The following DOCK10 variants were observed in gnomAD, a reference collection of about 807,000 sequenced individuals.
DOCK10 encodes the protein dedicator of cytokinesis protein 10.
A neutral mutation model predicts 280.1 loss-of-function variants in DOCK10; 145 were observed. That is an observed-to-expected ratio of 0.52 (90% CI 0.45 to 0.59). The LOEUF (loss-of-function observed/expected upper bound fraction) is 0.59, where lower values mean the gene tolerates loss of function less well. DOCK10 is among the 20% of genes least tolerant of loss of function. The probability of loss-of-function intolerance (pLI) is 0.00; values close to 1 mark genes in which losing one functional copy is unlikely to be tolerated. For missense variants in DOCK10, 2,368 were observed against 2,651.7 expected (o/e 0.89, Z 2.35); for synonymous variants, 915 against 942.2 (o/e 0.97, Z 0.53).
intron 1 of DOCK10, among the ~76,000 whole-genome samples, chr2:224,995,816 T>C (rs1298693404): frequency 6.6e-6 from 1 of 152,214 alleles, no homozygotes; most frequent in Admixed American, 6.5e-5. Context: ...GCTTGAAGAA[T>C]TTTTAATGTG....
At chr2:224,986,965 C>A (rs1176108177) in intron 1 of DOCK10, among the ~76,000 whole-genome samples, 4 of 152,208 alleles carry the variant, frequency 2.6e-5, no homozygotes, top group Admixed American at 2.6e-4. Flanking sequence ...TTCCTCCCTG[C>A]TTCCAAAACA....
intron 27 of DOCK10, among the ~76,000 whole-genome samples, chr2:224,824,914 G>A (rs1225694444): frequency 6.6e-6 from 1 of 151,764 alleles, no homozygotes; most frequent in Non-Finnish European, 1.5e-5. Context: ...AGTTACAGGA[G>A]TTGTATGAAA....
chr2:224,855,044 T>C lies in DOCK10; in HGVS notation c.1809-2A>G, dbSNP rs1281817266. The C allele has an allele frequency of 2.5e-6, 4 of 1,580,844 alleles. No individual in the cohort carries two copies. Among genetic ancestry groups the C allele is most frequent in the South Asian group, 2.3e-5 (2 of 88,226 alleles). Reference sequence around the variant, plus strand: ...TGCATTTTGCTTATTCTGTCGGCCCTGTAAGAGTGCATGAGCAAGGACACA... The same window carrying C: ...TGCATTTTGCTTATTCTGTCGGCCCCGTAAGAGTGCATGAGCAAGGACACA... On this transcript the variant is annotated splice_acceptor_variant, in intron 15 of 55. Transcript: ENST00000258390. LOFTEE classifies it high-confidence loss of function.
chr2:224,827,437 GAC>G (rs1465226930), intron 27 of DOCK10, among the ~76,000 whole-genome samples: 1 of 152,016 alleles, frequency 6.6e-6, no homozygotes, highest in Non-Finnish European at 1.5e-5. Context: ...TAAACTGCTG[GAC>G]ACAATCATGC....
At chr2:224,843,421 A>G (rs899586461) in intron 22 of DOCK10, among the ~76,000 whole-genome samples, 14 of 152,346 alleles carry the variant, frequency 9.2e-5, no homozygotes, top group African/African-American at 3.1e-4. Context: ...ATATACAAAA[A>G]TATAGGGTTT....
intron 2 of DOCK10, among the ~76,000 whole-genome samples, chr2:224,928,923 T>C (rs557346312): frequency 1.3e-5 from 2 of 152,342 alleles, no homozygotes; most frequent in East Asian, 1.9e-4. Flanking sequence ...TAGAATAAGA[T>C]GCAAACGCCT....
chr2:224,811,661 T>C (rs1693786906), intron 31 of DOCK10, among the ~76,000 whole-genome samples: 1 of 152,236 alleles, frequency 6.6e-6, no homozygotes, highest in Non-Finnish European at 1.5e-5. Context: ...TTGATTTTTG[T>C]ATAAGGTGTA....
intron 47 of DOCK10, 62 bp downstream of exon 47, chr2:224,792,912 A>G: frequency 1.6e-6 from 2 of 1,237,152 alleles, no homozygotes; most frequent in Non-Finnish European, 2.3e-6. Context: ...TCACTGAAGT[A>G]GAATTTGAGC....
At chr2:224,985,063 C>G (rs1290166991) in intron 1 of DOCK10, among the ~76,000 whole-genome samples, 1 of 151,054 alleles carries the variant, frequency 6.6e-6, no homozygotes, top group Non-Finnish European at 1.5e-5. Context: ...CAGCAGGTGT[C>G]TGCTATTTTT....
At position 224,775,171 on chromosome 2, in the gene DOCK10, C is replaced by A. The variant is rs551976417; in HGVS notation, c.5803-56G>T. On this transcript the variant is annotated intron_variant, in intron 51 of 55. Transcript: ENST00000258390. The stretch of plus-strand genomic sequence containing the variant: ...GGTGTGCCCTGGAGCGCTCTGAAAG[C>A]GGGAAGCTCCCATTCCCTCAGCTTG... 17 of 1,524,544 alleles carry A rather than the reference C, an allele frequency of 1.1e-5. No individual in the cohort carries two copies. In the East Asian group the frequency reaches 1.1e-4, roughly 10 times the overall value. The allele number at this position is 1,524,544 out of a possible 1,614,324, so 94.4% of individuals were successfully genotyped here.
At chr2:224,933,233 T>C (rs565272067) in intron 1 of DOCK10, among the ~76,000 whole-genome samples, 5 of 152,332 alleles carry the variant, frequency 3.3e-5, no homozygotes, top group Admixed American at 6.5e-5. Context: ...TCTGGAATCA[T>C]TGCCTTTTGA....
intron 55 of DOCK10, among the ~76,000 whole-genome samples, chr2:224,768,573 T>C (rs1690210668): frequency 1.3e-5 from 2 of 152,218 alleles, no homozygotes; most frequent in Admixed American, 1.3e-4. Context: ...TATATTTTTG[T>C]TTTAGCAGTT....
In DOCK10 at chr2:224,916,729, G is replaced by C. The variant is rs1369471643; in HGVS notation, c.299C>G (p.Ala100Gly). ...RTLYSTVPED[A>G]EHKAENLLVK... ...CAGTAAATTTTCTGCCTTGTGCTCT[G>C]CATCTTCAGGTACTGTTGAGTACAA... The change falls in exon 3 of 56, where the codon GCA becomes GGA. Residue 100 changes from alanine to glycine, a missense_variant. By Grantham distance (60) the Ala-to-Gly change is moderately conservative. Coordinates refer to ENST00000258390, the MANE Select transcript of DOCK10 (RefSeq NM_014689.3). The C allele has an allele frequency of 3.1e-6, 5 of 1,611,118 alleles. No individual in the cohort carries two copies. The highest frequency in any genetic ancestry group is 1.3e-5 in the African/African-American group (1 of 74,864).
At chr2:224,843,989 A>G (rs1050771368) in intron 22 of DOCK10, among the ~76,000 whole-genome samples, 1 of 152,198 alleles carries the variant, frequency 6.6e-6, no homozygotes, top group Non-Finnish European at 1.5e-5. Flanking sequence ...TGACTTGCCC[A>G]GGGTAATGGA....
rs1291155859 is a variant in DOCK10 at position 225,042,202 on chromosome 2, C to G, written c.123+50G>C. 2 of 1,230,596 alleles carry G rather than the reference C, an allele frequency of 1.6e-6. No homozygotes were observed. Among genetic ancestry groups the G allele is most frequent in the Non-Finnish European group, 2.0e-6 (2 of 987,086 alleles). 76.2% of individuals were successfully genotyped at this position (1,230,596 alleles called of 1,614,324 possible). A position where few individuals can be genotyped will look rare whatever the true frequency, so the allele number is the denominator to read the frequency against. Reference sequence around the variant, plus strand: ...TTTGGGGAAGCTGGGCTCCGTTCCCCCCGGGCGCCTGGGGCGCGCGGGAAG... The same window carrying G: ...TTTGGGGAAGCTGGGCTCCGTTCCCGCCGGGCGCCTGGGGCGCGCGGGAAG... On this transcript the variant is annotated intron_variant, in intron 1 of 55. Transcript: ENST00000258390. This position sits in a 1 kb window ranked among gnomAD's most constrained non-coding sequence, Gnocchi z 5.1.
At chr2:224,885,253 G>T (rs1004263372) in intron 7 of DOCK10, among the ~76,000 whole-genome samples, 14 of 152,172 alleles carry the variant, frequency 9.2e-5, no homozygotes, top group Non-Finnish European at 1.6e-4. Flanking sequence ...ACCCGCCTTG[G>T]CCTCCCAAAG....
At chr2:224,993,776 T>C (rs1003834390) in intron 1 of DOCK10, among the ~76,000 whole-genome samples, 1 of 152,180 alleles carries the variant, frequency 6.6e-6, no homozygotes, top group African/African-American at 2.4e-5. Context: ...GCAGTTCAAA[T>C]GGAGATTGGC....
chr2:224,898,081 C>A (rs1484416697), intron 3 of DOCK10, among the ~76,000 whole-genome samples: 1 of 152,198 alleles, frequency 6.6e-6, no homozygotes, highest in African/African-American at 2.4e-5. Flanking sequence ...AGGTAAGGTG[C>A]AGGACTGCTG....
intron 1 of DOCK10, among the ~76,000 whole-genome samples, chr2:224,993,697 C>T (rs888305769): frequency 2.0e-5 from 3 of 152,092 alleles, no homozygotes; most frequent in African/African-American, 7.2e-5. Flanking sequence ...AGAAGGCATC[C>T]CCCTCCCTCC....
Sources: allele counts gnomAD v4.1 joint callset (sites outside exome capture counted in the v4.1 genomes callset), GRCh38; gene constraint gnomAD v4.1.1; non-coding constraint Gnocchi (gnomAD v3.1); transcripts MANE v1.5; gene names NCBI Gene and HGNC (gene_info 2026-07-23, HGNC 2026-07-21).